Variants in MAP4 observed in about 807,000 individuals in gnomAD.
MAP4 encodes the protein microtubule-associated protein 4.
Under a neutral mutation model 170.2 loss-of-function variants are expected in MAP4, and 76 were observed. The observed-to-expected ratio is 0.45, with a 90% confidence interval of 0.37 to 0.54. The LOEUF is 0.54. Among genes scored for constraint, MAP4 ranks in the 20% least tolerant of loss-of-function variants. The pLI is 0.00. For missense variants in MAP4, 2,506 were observed against 2,748.0 expected (o/e 0.91, Z 1.97); for synonymous variants, 909 against 994.5 (o/e 0.91, Z 1.62).
rs1431765777 is a variant in MAP4, at chr3:47,909,048, C to T, written c.5373G>A (p.Leu1791=). The T allele has an allele frequency of 6.2e-7, 1 of 1,612,680 alleles. No homozygotes were observed. Among genetic ancestry groups the T allele is most frequent in the Non-Finnish European group, 8.5e-7 (1 of 1,179,318 alleles). ...ATGGCAGGTTCATACCAGCGGACTT[C>T]AGTTGCTTATGTCTCTCTTGTTCCT... is the stretch of plus-strand genomic sequence containing the variant. ...TIQEQERHKQ[L]KSAVCLSSST... The change falls in exon 9 of 21, where the codon CTG becomes CTA. Residue 1791 remains leucine, a synonymous_variant. Coordinates refer to ENST00000683076, the MANE Select transcript of MAP4 (RefSeq NM_001385682.1).
intron 1 of MAP4, among the ~76,000 whole-genome samples, chr3:48,070,490 T>A (rs1034028305): frequency 1.3e-5 from 2 of 151,810 alleles, no homozygotes; most frequent in African/African-American, 4.8e-5. Flanking sequence ...TTTTTTTTAA[T>A]TTTTTACTTT....
intron 3 of MAP4, among the ~76,000 whole-genome samples, chr3:47,966,052 A>G (rs1478671560): frequency 6.6e-6 from 1 of 151,798 alleles, no homozygotes; most frequent in Non-Finnish European, 1.5e-5. Context: ...ATTTTTGAAT[A>G]TAAGATAATG....
At chr3:47,973,406 T>G (rs2100079967) in intron 3 of MAP4, 3 of 985,288 alleles carry the variant, frequency 3.0e-6, no homozygotes, top group South Asian at 9.4e-5. Flanking sequence ...AGCATTTCAT[T>G]ATGGGACTGG....
At chr3:47,881,759 C>CCATG (rs2096804308) in intron 10 of MAP4, among the ~76,000 whole-genome samples, 1 of 151,496 alleles carries the variant, frequency 6.6e-6, no homozygotes, top group Non-Finnish European at 1.5e-5. Flanking sequence ...GCATGTGCCA[C>CCATG]CATGCCTGGC....
At chr3:47,907,495 A>C (rs1030862593) in intron 9 of MAP4, among the ~76,000 whole-genome samples, 2 of 152,142 alleles carry the variant, frequency 1.3e-5, no homozygotes, top group East Asian at 1.9e-4. Context: ...AGAAACAATA[A>C]ATTTTGTCCC....
At chr3:48,029,997 A>G (rs979207622) in intron 1 of MAP4, among the ~76,000 whole-genome samples, 9 of 147,854 alleles carry the variant, frequency 6.1e-5, no homozygotes, top group Non-Finnish European at 8.9e-5. Context: ...TCAAAAAAAA[A>G]AATATATATA....
At chr3:47,853,924 T>G (rs2049443508) in intron 19 of MAP4, among the ~76,000 whole-genome samples, 1 of 152,010 alleles carries the variant, frequency 6.6e-6, no homozygotes, top group Non-Finnish European at 1.5e-5. Context: ...CCAGGGACAC[T>G]GTGGAGGCCT....
chr3:47,867,195 C>T (rs775632044), intron 17 of MAP4, 51 bp downstream of exon 17: 14 of 1,279,212 alleles, frequency 1.1e-5, no homozygotes, highest in Admixed American at 1.7e-5. Flanking sequence ...CCCTAGTATA[C>T]CCCACAGTGG....
chr3:47,905,408 C>A (rs1444082328), intron 9 of MAP4, among the ~76,000 whole-genome samples: 5 of 151,864 alleles, frequency 3.3e-5, no homozygotes, highest in Admixed American at 3.3e-4. Context: ...CAGAAATAGA[C>A]CAAATACATG....
At chr3:47,991,655 A>G (rs1454259098) in intron 2 of MAP4, among the ~76,000 whole-genome samples, 1 of 152,062 alleles carries the variant, frequency 6.6e-6, no homozygotes, top group African/African-American at 2.4e-5. Flanking sequence ...TGACATGGAA[A>G]GAATCTGTCT....
At chr3:47,957,643 A>G (rs997520701) in intron 3 of MAP4, among the ~76,000 whole-genome samples, 1 of 152,204 alleles carries the variant, frequency 6.6e-6, no homozygotes, top group Admixed American at 6.5e-5. Context: ...CAAGAAAGTC[A>G]TTTCATAGTA....
At chr3:48,011,253 TTG>T (rs1177699554) in intron 1 of MAP4, among the ~76,000 whole-genome samples, 1 of 152,112 alleles carries the variant, frequency 6.6e-6, no homozygotes, top group East Asian at 1.9e-4. Context: ...GGAACTGGAC[TTG>T]GTAATCCCAG....
intron 2 of MAP4, among the ~76,000 whole-genome samples, chr3:47,997,325 C>CAAAAAAAAAAAAAAAAAAAAAAAAAAAA (rs1559754149): frequency 2.5e-5 from 1 of 40,708 alleles, no homozygotes; most frequent in Non-Finnish European, 4.1e-5. Context: ...ATTTAAACTG[C>CAAAAAAAAAAAAAAAAAAAAAAAAAAAA]TAAAAAAAAA....
intron 3 of MAP4, among the ~76,000 whole-genome samples, chr3:47,946,513 G>A (rs1200965434): frequency 1.3e-5 from 2 of 149,260 alleles, no homozygotes; most frequent in African/African-American, 4.9e-5. Context: ...AATTAGCCGG[G>A]TGTTGTGGCA....
intron 1 of MAP4, among the ~76,000 whole-genome samples, chr3:48,072,056 A>G (rs887642690): frequency 6.7e-6 from 1 of 150,352 alleles, no homozygotes; most frequent in African/African-American, 2.5e-5. Flanking sequence ...AACATTAGCC[A>G]GGCATGGTGA....
At chr3:48,002,806 G>A (rs930155524) in intron 1 of MAP4, among the ~76,000 whole-genome samples, 3 of 151,574 alleles carry the variant, frequency 2.0e-5, no homozygotes, top group African/African-American at 4.8e-5. Context: ...GAACCTGGGA[G>A]GTGGAGGTTG....
chr3:47,867,311 A>G lies in MAP4; in HGVS notation c.6436T>C (p.Tyr2146His). The G allele has an allele frequency of 6.2e-7, 1 of 1,613,654 alleles. No homozygotes were observed. The highest frequency in any genetic ancestry group is 8.5e-7 in the Non-Finnish European group (1 of 1,179,630). Reference sequence around the variant, plus strand: ...CCACACTTGGACTGAATATGGCTGTAGCTCACTTTTTTGGAGACTATCTGG... The same window carrying G: ...CCACACTTGGACTGAATATGGCTGTGGCTCACTTTTTTGGAGACTATCTGG... ...KVQIVSKKVS[Y>H]SHIQSKCGSK... The change falls in exon 17 of 21, where the codon TAC becomes CAC. Residue 2146 changes from tyrosine (Y) to histidine (H), a missense_variant. Transcript: ENST00000683076.
intron 12 of MAP4, 63 bp from the exon 13 acceptor site, chr3:47,872,163 C>A: frequency 7.3e-7 from 1 of 1,363,234 alleles, no homozygotes; most frequent in Non-Finnish European, 1.0e-6. Context: ...AGTCACGCTA[C>A]AAGATGCTTC....
intron 3 of MAP4, among the ~76,000 whole-genome samples, chr3:47,942,307 G>GA (rs2100057021): frequency 6.6e-6 from 1 of 152,204 alleles, no homozygotes; most frequent in Non-Finnish European, 1.5e-5. Flanking sequence ...GTGCTTCACA[G>GA]AAAAGAAAGG....
Sources: allele counts gnomAD v4.1 joint callset (sites outside exome capture counted in the v4.1 genomes callset), GRCh38; gene constraint gnomAD v4.1.1; transcripts MANE v1.5; gene names NCBI Gene and HGNC (gene_info 2026-07-23, HGNC 2026-07-21).